Variants in PRMT3 observed in about 807,000 individuals in gnomAD.
The protein encoded by PRMT3 is protein arginine N-methyltransferase 3.
PRMT3 carries 62 observed loss-of-function variants against 71.9 expected under a neutral mutation model. The ratio of observed to expected loss-of-function variants is 0.86; its 90% CI spans 0.70 to 1.07. The LOEUF is 1.07. Among genes scored for constraint, PRMT3 ranks in the 50% least tolerant of loss-of-function variants. PRMT3 has a pLI of 0.00. For missense variants in PRMT3, 663 were observed against 643.0 expected, an observed-to-expected ratio of 1.03 and a Z score of -0.34; for synonymous variants, 213 against 220.4, an observed-to-expected ratio of 0.97 and a Z score of 0.30.
At chr11:20,482,897 C>T (rs932852150) in intron 13 of PRMT3, among the ~76,000 whole-genome samples, 2 of 152,012 alleles carry the variant, frequency 1.3e-5, no homozygotes, top group African/African-American at 4.8e-5. Flanking sequence ...TACCAGATGG[C>T]TCAGAATATA....
rs1851391296 is a variant in PRMT3, at chr11:20,498,745, A to G, written c.1486+4491A>G. 2.0e-5 allele frequency among the ~76,000 whole-genome samples: 3 copies of G among 152,222 alleles called. No individual in the cohort carries two copies. In the South Asian group the frequency reaches 6.2e-4, roughly 32 times the overall value. Reference sequence around the variant, plus strand: ...ACTCTGTCTAGAAGGAAAAAAAAGAATATTCATCAAAAACTGTGTAGGAAA... The same window carrying G: ...ACTCTGTCTAGAAGGAAAAAAAAGAGTATTCATCAAAAACTGTGTAGGAAA... On this transcript the variant is annotated intron_variant, in intron 15 of 15. Coordinates refer to ENST00000331079, the MANE Select transcript of PRMT3 (RefSeq NM_005788.4).
intron 10 of PRMT3, among the ~76,000 whole-genome samples, chr11:20,430,722 TAAG>T (rs1279798875): frequency 1.2e-4 from 18 of 152,164 alleles, no homozygotes; most frequent in Non-Finnish European, 2.6e-4. Context: ...CTGTATGTAA[TAAG>T]AGCACCTAAA....
At chr11:20,405,338 AT>A (rs1228492106) in intron 8 of PRMT3, 1 of 151,626 alleles carries the variant, frequency 6.6e-6, no homozygotes, top group African/African-American at 2.4e-5. Flanking sequence ...AAGAAAAAAA[AT>A]GAATCAAATT....
rs1392223297 is a variant in PRMT3, at chr11:20,408,007, C to T, written c.868C>T (p.Leu290Phe). The change falls in exon 9 of 16, where the codon CTT (leucine) becomes TTT (phenylalanine). Residue 290 changes from leucine to phenylalanine, a missense_variant. Leu to Phe is a conservative substitution (Grantham distance 22). Transcript: ENST00000331079. ...TCTTGGAGTTGATCAATCTGAAATA[C>T]TTTACCAGGCAATGGATATTATAAG... The part of the protein sequence containing the change: ...KVLGVDQSEI[L>F]YQAMDIIRLN... The T allele has an allele frequency of 1.9e-6, 3 of 1,587,068 alleles. No homozygotes were observed. In the African/African-American group the frequency reaches 4.0e-5, roughly 21 times the overall value.
intron 15 of PRMT3, among the ~76,000 whole-genome samples, chr11:20,500,861 C>T (rs1014450442): frequency 1.3e-5 from 2 of 152,104 alleles, no homozygotes; most frequent in African/African-American, 4.8e-5. Context: ...GTAAGTAACA[C>T]CGTAAAGTTA....
intron 15 of PRMT3, among the ~76,000 whole-genome samples, chr11:20,502,711 T>A (rs1426936574): frequency 2.0e-5 from 3 of 152,114 alleles, no homozygotes; most frequent in African/African-American, 7.2e-5. Flanking sequence ...AAGGATTGAA[T>A]AGGACTTCTA....
At chr11:20,442,230 A>G (rs78461045) in intron 10 of PRMT3, among the ~76,000 whole-genome samples, 7,150 of 152,102 alleles carry the variant, frequency 0.047, 274 homozygotes, top group East Asian at 0.2. Context: ...TTTTAAAGTC[A>G]CTTGTAGTCA....
intron 13 of PRMT3, among the ~76,000 whole-genome samples, chr11:20,477,619 T>G (rs916725798): frequency 6.6e-6 from 1 of 152,150 alleles, no homozygotes; most frequent in Admixed American, 6.6e-5. Context: ...GGAGGGTATT[T>G]ACTCTCCTGA....
chr11:20,484,866 A>G (rs541941506), intron 13 of PRMT3, among the ~76,000 whole-genome samples: 4 of 152,342 alleles, frequency 2.6e-5, no homozygotes, highest in African/African-American at 9.6e-5. Flanking sequence ...ATCTGTTTGA[A>G]GTTAACAAAT....
intron 2 of PRMT3, among the ~76,000 whole-genome samples, chr11:20,388,891 C>T (rs978216274): frequency 1.3e-5 from 2 of 152,156 alleles, no homozygotes; most frequent in Non-Finnish European, 1.5e-5. Flanking sequence ...TGGCATTGGC[C>T]GGTGTTACTT....
intron 13 of PRMT3, among the ~76,000 whole-genome samples, chr11:20,481,924 G>A (rs1179986390): frequency 6.7e-6 from 1 of 148,720 alleles, no homozygotes; most frequent in African/African-American, 2.6e-5. Context: ...ACTCTTTTTG[G>A]AAACATTACC....
At chr11:20,444,276 T>G (rs1214278150) in intron 10 of PRMT3, among the ~76,000 whole-genome samples, 1 of 152,214 alleles carries the variant, frequency 6.6e-6, no homozygotes, top group Non-Finnish European at 1.5e-5. Flanking sequence ...TAAACATGTA[T>G]GTATATTTCT....
At chr11:20,501,686 A>G (rs1309183904) in intron 15 of PRMT3, among the ~76,000 whole-genome samples, 1 of 152,212 alleles carries the variant, frequency 6.6e-6, no homozygotes, top group African/African-American at 2.4e-5. Context: ...AAATATTGTA[A>G]ATGGAACTAT....
intron 7 of PRMT3, among the ~76,000 whole-genome samples, chr11:20,401,970 T>A (rs1848957749): frequency 6.6e-6 from 1 of 152,192 alleles, no homozygotes. Context: ...ATCAGATAGG[T>A]GCTGATCAAT....
chr11:20,393,484 G>A (rs1848761264), intron 5 of PRMT3, among the ~76,000 whole-genome samples: 1 of 152,108 alleles, frequency 6.6e-6, no homozygotes, highest in Admixed American at 6.5e-5. Context: ...TCTTATGTGA[G>A]GTTTATACAC....
chr11:20,451,131 G>A (rs969168631), intron 10 of PRMT3, among the ~76,000 whole-genome samples: 26 of 152,062 alleles, frequency 1.7e-4, no homozygotes, highest in South Asian at 4.1e-4. Flanking sequence ...GGAATGTAGC[G>A]TATTTGTGAC....
intron 9 of PRMT3, among the ~76,000 whole-genome samples, chr11:20,422,555 G>C (rs544967335): frequency 6.6e-6 from 1 of 152,030 alleles, no homozygotes; most frequent in African/African-American, 2.4e-5. Flanking sequence ...TCCCCTCTGC[G>C]TACTATTCCC....
At chr11:20,420,171 C>CA (rs1030210996) in intron 9 of PRMT3, among the ~76,000 whole-genome samples, 3 of 151,218 alleles carry the variant, frequency 2.0e-5, no homozygotes, top group African/African-American at 4.9e-5. Context: ...GACTCTGTCT[C>CA]AAAAAAAGAA....
intron 13 of PRMT3, among the ~76,000 whole-genome samples, chr11:20,473,750 A>G (rs571461788): frequency 2.6e-5 from 4 of 152,048 alleles, no homozygotes; most frequent in African/African-American, 7.2e-5. Flanking sequence ...CAATTCAGCC[A>G]TCTCAGCCCA....
Sources: allele counts gnomAD v4.1 joint callset (sites outside exome capture counted in the v4.1 genomes callset), GRCh38; gene constraint gnomAD v4.1.1; transcripts MANE v1.5; gene names NCBI Gene and HGNC (gene_info 2026-07-23, HGNC 2026-07-21).